MFAP5: variants seen among roughly 807,000 people sequenced by gnomAD.
The protein encoded by MFAP5 is microfibril associated protein 5.
Under a neutral mutation model 30.1 loss-of-function variants are expected in MFAP5, and 19 were observed. The ratio of observed to expected loss-of-function variants is 0.63; its 90% CI spans 0.44 to 0.93. MFAP5 has a LOEUF of 0.93. Among genes scored for constraint, MFAP5 ranks in the 40% least tolerant of loss-of-function variants. The pLI is 0.00. For missense variants in MFAP5, 210 were observed against 221.3 expected (o/e 0.95, Z 0.32); for synonymous variants, 92 against 72.9 (o/e 1.26, Z -1.33).
At position 8,654,463 on chromosome 12, in the gene MFAP5, T is replaced by C. The variant is rs1591569833; in HGVS notation, c.191A>G (p.Asp64Gly). Residue 64 changes from aspartate (D) to glycine (G), a missense_variant, in exon 6 of 10, where the codon GAT (aspartate) becomes GGT (glycine). Transcript: ENST00000359478. ...CAAGTCATCTGTGGAAGGTGCAATA[T>C]CAGCCAAAACAGCCAAAACTGAAAA... The part of the protein sequence containing the change: ...TDETVLAVLA[D>G]IAPSTDDLAS... The C allele has an allele frequency of 6.2e-7, 1 of 1,604,398 alleles. No individual in the cohort carries two copies. Among genetic ancestry groups the C allele is most frequent in the Non-Finnish European group, 8.5e-7 (1 of 1,175,634 alleles).
chr12:8,662,290 A>G, intron 1 of MFAP5, 184 bp from the exon 2 acceptor site: 1 of 582,892 alleles, frequency 1.7e-6, no homozygotes, highest in South Asian at 2.1e-5. Flanking sequence ...TTTCTCCCTC[A>G]AATCTATTCC....
rs757670083 is a variant in MFAP5 at position 8,655,848 on chromosome 12, AAAC to A, written c.95-21_95-19del. 1 of 1,606,148 alleles carries A rather than the reference AAAC, an allele frequency of 6.2e-7. No individual in the cohort carries two copies. On this transcript the variant is annotated intron_variant, in intron 3 of 9. Transcript: ENST00000359478. ...CACATCGTCTGAAAAGAAAATTAGA[AAAC>A]AATTTCTGAGATTCTCTGTCTCCCT...
In MFAP5 at chr12:8,648,221, C is replaced by T. The variant is rs151240610; in HGVS notation, c.410-18G>A. ...AAGCTCATCTAGAAGAGAAGCAGAA[C>T]ATCATGGGAAGAGAATGCAGAAGAT... is the stretch of plus-strand genomic sequence containing the variant. On this transcript the variant is annotated intron_variant, in intron 9 of 9. Coordinates refer to ENST00000359478, the MANE Select transcript of MFAP5 (RefSeq NM_003480.4). The T allele has an allele frequency of 2.5e-4, 396 of 1,580,628 alleles. No individual in the cohort carries two copies. The African/African-American group carries it at 4.9e-3, about 20-fold the overall frequency.
At chr12:8,653,862 C>T (rs1941906278) in intron 6 of MFAP5, among the ~76,000 whole-genome samples, 6 of 152,084 alleles carry the variant, frequency 3.9e-5, no homozygotes, top group South Asian at 4.1e-4. Flanking sequence ...ATAATCTAGC[C>T]GCCTATAATC....
intron 6 of MFAP5, among the ~76,000 whole-genome samples, chr12:8,652,759 T>C (rs1189175082): frequency 6.6e-6 from 1 of 152,244 alleles, no homozygotes; most frequent in African/African-American, 2.4e-5. Flanking sequence ...TGCCTTTTTA[T>C]GGAAGAGTTC....
intron 3 of MFAP5, among the ~76,000 whole-genome samples, chr12:8,656,208 C>G (rs1477379065): frequency 1.3e-5 from 2 of 149,668 alleles, no homozygotes; most frequent in Non-Finnish European, 1.5e-5. Flanking sequence ...CTACAGGCGC[C>G]CGCCACAGCG....
At chr12:8,662,343 C>T in intron 1 of MFAP5, 1 of 509,214 alleles carries the variant, frequency 2.0e-6, no homozygotes, top group Non-Finnish European at 3.5e-6. Context: ...TTCTCTGCTA[C>T]CAAGTCAGAG....
chr12:8,655,360 T>C, intron 5 of MFAP5, 55 bp downstream of exon 5: 2 of 1,381,796 alleles, frequency 1.4e-6, no homozygotes, highest in Non-Finnish European at 1.0e-6. Context: ...GGAATAAATA[T>C]TGTGAATATT....
At chr12:8,656,212 C>T (rs1005770561) in intron 3 of MFAP5, among the ~76,000 whole-genome samples, 1 of 151,822 alleles carries the variant, frequency 6.6e-6, no homozygotes, top group Non-Finnish European at 1.5e-5. Flanking sequence ...AGGCGCCCGC[C>T]ACAGCGCCCG....
At chr12:8,656,261 C>CTT (rs1293899074) in intron 3 of MFAP5, among the ~76,000 whole-genome samples, 1 of 151,188 alleles carries the variant, frequency 6.6e-6, no homozygotes, top group Non-Finnish European at 1.5e-5. Context: ...GGGGTTTCAC[C>CTT]GTGGTCTCGA....
At chr12:8,649,288 A>G (rs934105146) in intron 9 of MFAP5, among the ~76,000 whole-genome samples, 1 of 152,110 alleles carries the variant, frequency 6.6e-6, no homozygotes, top group Non-Finnish European at 1.5e-5. Flanking sequence ...ACAGGGATCT[A>G]GGGGTACTTT....
At chr12:8,660,337 C>T (rs1033722689) in intron 3 of MFAP5, among the ~76,000 whole-genome samples, 12 of 151,646 alleles carry the variant, frequency 7.9e-5, no homozygotes, top group Non-Finnish European at 1.5e-4. Context: ...CACAGGCATG[C>T]GCCACCATGC....
Position 8,652,299 on chromosome 12 carries a change from G to T in MFAP5, c.218-608C>A, listed in dbSNP as rs369074011. Among the ~76,000 whole-genome samples the T allele has an allele frequency of 2.1e-4, 32 of 152,102 alleles. No individual in the cohort carries two copies. In the East Asian group the frequency reaches 4.6e-3, roughly 22 times the overall value. On this transcript the variant is annotated intron_variant, in intron 6 of 9. Coordinates refer to ENST00000359478, the MANE Select transcript of MFAP5 (RefSeq NM_003480.4). Reference sequence around the variant, plus strand: ...CTCTCTACTAAAAATACAAAACTTAGTTGGGTGTAGTGATGTGCACCTGTA... The same window carrying T: ...CTCTCTACTAAAAATACAAAACTTATTTGGGTGTAGTGATGTGCACCTGTA...
At position 8,660,868 on chromosome 12, in the gene MFAP5, C is replaced by T. The variant is rs145592970; in HGVS notation, c.89G>A (p.Arg30Gln). 1.9e-5 allele frequency: 31 copies of T among 1,612,050 alleles called. No individual in the cohort carries two copies. The highest frequency in any genetic ancestry group is 3.3e-4 in the Middle Eastern group (2 of 6,082). Residue 30 changes from arginine (R) to glutamine (Q), a missense_variant, in exon 3 of 10, where the codon CGA (arginine) becomes CAA (glutamine). Coordinates refer to ENST00000359478, the MANE Select transcript of MFAP5 (RefSeq NM_003480.4). ...CTATCCAAGGGTTCACCTACCTCCTCGTTGACTATTGACCCCCAGGGGTAT... is the reference window on the plus strand; with the variant it reads ...CTATCCAAGGGTTCACCTACCTCCTTGTTGACTATTGACCCCCAGGGGTAT... The part of the protein sequence containing the change: ...DWIPLGVNSQ[R>Q]GDDVTQATPE...
chr12:8,656,573 A>AATATATATATATAT (rs71957081), intron 3 of MFAP5, among the ~76,000 whole-genome samples: 74 of 128,476 alleles, frequency 5.8e-4, no homozygotes, highest in African/African-American at 2.3e-3. Context: ...ATGCCTGGCT[A>AATATATATATATAT]ATATATATAT....
chr12:8,656,668 A>ATATATATTTTT (rs1174790172), intron 3 of MFAP5, among the ~76,000 whole-genome samples: 10 of 118,800 alleles, frequency 8.4e-5, no homozygotes, highest in Non-Finnish European at 1.5e-4. Context: ...ATATATATAT[A>ATATATATTTTT]TTTTTTTTTT....
intron 7 of MFAP5, among the ~76,000 whole-genome samples, chr12:8,650,944 A>G (rs1254447789): frequency 6.6e-6 from 1 of 152,182 alleles, no homozygotes; most frequent in Non-Finnish European, 1.5e-5. Flanking sequence ...AGGCGGGCAG[A>G]TCACCTGAAG....
chr12:8,649,452 C>G, intron 9 of MFAP5, 49 bp downstream of exon 9: 1 of 1,536,448 alleles, frequency 6.5e-7, no homozygotes, highest in Non-Finnish European at 9.0e-7. Context: ...TCCCTATCTA[C>G]CCTTCTCATA....
At chr12:8,662,378 G>T in intron 1 of MFAP5, 1 of 410,440 alleles carries the variant, frequency 2.4e-6, no homozygotes, top group South Asian at 3.2e-5. Flanking sequence ...TACATGGTCC[G>T]TACTTGGCCC....
Sources: gnomAD v4.1 joint callset for allele counts (sites outside exome capture counted in the v4.1 genomes callset) on GRCh38, gnomAD v4.1.1 for gene constraint, MANE v1.5 for transcripts, NCBI Gene and HGNC (gene_info 2026-07-23, HGNC 2026-07-21) for gene names.